Variants in NOX5 observed in about 807,000 individuals in gnomAD.
NOX5 encodes NADPH oxidase, EF-hand calcium binding domain 5.
Under a neutral mutation model 85.7 loss-of-function variants are expected in NOX5, and 76 were observed. The ratio of observed to expected loss-of-function variants is 0.89; its 90% CI spans 0.74 to 1.07. The LOEUF (loss-of-function observed/expected upper bound fraction) is 1.07, where lower values mean the gene tolerates loss of function less well. NOX5 is among the 50% of genes least tolerant of loss of function. NOX5 has a pLI of 0.00. For missense variants in NOX5, 973 were observed against 999.5 expected, an observed-to-expected ratio of 0.97 and a Z score of 0.36; for synonymous variants, 405 against 401.4, an observed-to-expected ratio of 1.01 and a Z score of -0.11.
In NOX5 at chr15:69,061,424, C is replaced by T. The variant is rs1180862941; in HGVS notation, c.*4728C>T. The T allele has an allele frequency of 6.6e-6, 1 of 152,260 alleles. No individual in the cohort carries two copies. Among genetic ancestry groups the T allele is most frequent in the Non-Finnish European group, 1.5e-5 (1 of 68,054 alleles). The allele number at this position is 152,260 out of a possible 1,614,324, so 9.4% of individuals were successfully genotyped here. On this transcript the variant is annotated 3_prime_UTR_variant, in exon 16 of 16. Transcript: ENST00000388866. Reference sequence around the variant, plus strand: ...GGGCATACACGTGAAATTGTGTGCACAGGGGCTAAGCCCAGCACCAGCCCA... The same window carrying T: ...GGGCATACACGTGAAATTGTGTGCATAGGGGCTAAGCCCAGCACCAGCCCA...
chr15:69,020,368 G>A (rs534464096), intron 1 of NOX5, among the ~76,000 whole-genome samples: 1 of 152,142 alleles, frequency 6.6e-6, no homozygotes, highest in East Asian at 1.9e-4. Flanking sequence ...ACTTAAAGAT[G>A]ATACAAATTT....
intron 15 of NOX5, among the ~76,000 whole-genome samples, chr15:69,055,799 C>T (rs184232032): frequency 4.4e-4 from 67 of 152,340 alleles, no homozygotes; most frequent in African/African-American, 1.5e-3. Flanking sequence ...CCTGAGTGGA[C>T]AGGGACCTGG....
chr15:69,033,030 G>A lies in NOX5; in HGVS notation c.621-13G>A, dbSNP rs760521042. The A allele has an allele frequency of 1.3e-5, 20 of 1,548,712 alleles. No homozygotes were observed. The highest frequency in any genetic ancestry group is 2.4e-5 in the South Asian group (2 of 84,654). On this transcript the variant is annotated splice_polypyrimidine_tract_variant and intron_variant, in intron 4 of 15. Coordinates refer to ENST00000388866, the MANE Select transcript of NOX5 (RefSeq NM_024505.4). ...CACCGCTCGCCTCTGAGCGGAACCC[G>A]CCTCTCTCGCAGCGCTGCCCACTGG...
intron 1 of NOX5, 97 bp downstream of exon 1, chr15:69,014,882 T>C (rs1247857753): frequency 1.9e-5 from 18 of 924,400 alleles, no homozygotes; most frequent in African/African-American, 1.3e-4. Flanking sequence ...TGTGTCTGCC[T>C]TGGGCAGAAA....
At chr15:69,017,153 T>G (rs1428317376) in intron 1 of NOX5, among the ~76,000 whole-genome samples, 1 of 151,944 alleles carries the variant, frequency 6.6e-6, no homozygotes, top group Non-Finnish European at 1.5e-5. Context: ...ATTTATTTAT[T>G]TATTTATTTA....
intron 12 of NOX5, 42 bp downstream of exon 12, chr15:69,047,579 C>A: frequency 6.3e-7 from 1 of 1,589,136 alleles, no homozygotes; most frequent in South Asian, 1.1e-5. Context: ...TGGGTCAGAG[C>A]CCCAAGGCGC....
chr15:69,026,661 G>T lies in NOX5; in HGVS notation c.174+10G>T. 1 of 1,613,960 alleles carries T rather than the reference G, an allele frequency of 6.2e-7. No individual in the cohort carries two copies. Among genetic ancestry groups the T allele is most frequent in the African/African-American group, 1.3e-5 (1 of 75,048 alleles). The stretch of plus-strand genomic sequence containing the variant: ...TCTGCATGTGAAAGAGGCAAGTGTT[G>T]GGCCAAGGTGGAAGCCCTGCATTTA... On this transcript the variant is annotated intron_variant, in intron 2 of 15. Coordinates refer to ENST00000388866, the MANE Select transcript of NOX5 (RefSeq NM_024505.4).
At chr15:69,016,639 G>A (rs1345877551) in intron 1 of NOX5, among the ~76,000 whole-genome samples, 1 of 152,010 alleles carries the variant, frequency 6.6e-6, no homozygotes, top group Non-Finnish European at 1.5e-5. Context: ...AGAAGAGAAA[G>A]GTGTACATAC....
intron 14 of NOX5, 29 bp from the exon 15 acceptor site, chr15:69,055,305 C>T (rs1357743161): frequency 1.2e-6 from 2 of 1,609,596 alleles, no homozygotes; most frequent in Admixed American, 1.7e-5. Context: ...ACTAGACCCT[C>T]AGTGCAGCCC....
chr15:69,038,975 C>T lies in NOX5; in HGVS notation c.1490C>T (p.Ala497Val). 1 of 1,614,132 alleles carries T rather than the reference C, an allele frequency of 6.2e-7. No individual in the cohort carries two copies. Among genetic ancestry groups the T allele is most frequent in the Non-Finnish European group, 8.5e-7 (1 of 1,180,024 alleles). Residue 497 changes from alanine to valine, a missense_variant, in exon 9 of 16, where the codon GCT becomes GTT. Ala to Val is a moderately conservative substitution (Grantham distance 64). Coordinates refer to ENST00000388866, the MANE Select transcript of NOX5 (RefSeq NM_024505.4). ...TGGCACCCCTTCACCATCAGCAGTG[C>T]TCCTGAGCAGAAAGGTAATGGCCAC... ...YEWHPFTISS[A>V]PEQKDTIWLH...
At chr15:69,017,901 A>C (rs567668720) in intron 1 of NOX5, among the ~76,000 whole-genome samples, 2 of 152,224 alleles carry the variant, frequency 1.3e-5, no homozygotes, top group East Asian at 3.9e-4. Context: ...ATCACCCAGC[A>C]GGCACGAGGC....
chr15:69,046,502 C>A (rs1166300425), intron 10 of NOX5, among the ~76,000 whole-genome samples: 2 of 152,142 alleles, frequency 1.3e-5, no homozygotes, highest in African/African-American at 4.8e-5. Flanking sequence ...ACCATAGGAG[C>A]CACTGTTAAA....
At chr15:69,014,880 C>A in intron 1 of NOX5, 95 bp downstream of exon 1, 2 of 932,970 alleles carry the variant, frequency 2.1e-6, no homozygotes, top group Non-Finnish European at 1.7e-6. Flanking sequence ...ACTGTGTCTG[C>A]CTTGGGCAGA....
At chr15:69,021,214 C>G (rs1275814146) in intron 1 of NOX5, among the ~76,000 whole-genome samples, 2 of 152,160 alleles carry the variant, frequency 1.3e-5, no homozygotes, top group Non-Finnish European at 2.9e-5. Flanking sequence ...GGGAATCTTA[C>G]TATCTCTTTC....
At chr15:69,035,226 A>G in intron 5 of NOX5, 128 bp from the exon 6 acceptor site, 1 of 961,626 alleles carries the variant, frequency 1.0e-6, no homozygotes, top group Non-Finnish European at 1.5e-6. Flanking sequence ...GCATGGGGGC[A>G]GGGGACTTTG....
At position 69,058,840 on chromosome 15, in the gene NOX5, G is replaced by A. The variant is rs967040079; in HGVS notation, c.*2144G>A. The A allele has an allele frequency of 1.8e-4, 28 of 152,250 alleles. No individual in the cohort carries two copies. The highest frequency in any genetic ancestry group is 6.5e-4 in the African/African-American group (27 of 41,440). 9.4% of individuals were successfully genotyped at this position (152,250 alleles called of 1,614,324 possible). A position where few individuals can be genotyped will look rare whatever the true frequency, so the allele number is the denominator to read the frequency against. On this transcript the variant is annotated 3_prime_UTR_variant, in exon 16 of 16. Coordinates refer to ENST00000388866, the MANE Select transcript of NOX5 (RefSeq NM_024505.4). ...AAGGCTTGGACAAAACGCTCTCTGG[G>A]GCACAGAAGGAAACTAAAGAGGGTG...
rs868655901 is a variant in NOX5 at position 69,059,455 on chromosome 15, G to A, written c.*2759G>A. 2.0e-5 allele frequency: 3 copies of A among 152,212 alleles called. No homozygotes were observed. Among genetic ancestry groups the A allele is most frequent in the Admixed American group, 6.5e-5 (1 of 15,270 alleles). The allele number at this position is 152,212 out of a possible 1,614,324, so 9.4% of individuals were successfully genotyped here. ...TTCATGTTCAAGGTCAGTTTCTCTA[G>A]CTGGCAGCTTCTCACTGCCGCTGCC... On this transcript the variant is annotated 3_prime_UTR_variant, in exon 16 of 16. Coordinates refer to ENST00000388866, the MANE Select transcript of NOX5 (RefSeq NM_024505.4).
rs1422638049 is a variant in NOX5 at position 69,055,360 on chromosome 15, A to G, written c.2026A>G (p.Met676Val). The G allele has an allele frequency of 6.2e-7, 1 of 1,614,202 alleles. No homozygotes were observed. The highest frequency in any genetic ancestry group is 8.5e-7 in the Non-Finnish European group (1 of 1,180,032). ...CCGCTTCCTGGAGCTGCATATGTAC[A>G]TGACATCTGCACTGGGCAAGAATGA... The part of the protein sequence containing the change: ...YGRFLELHMY[M>V]TSALGKNDMK... Residue 676 changes from methionine (M) to valine (V), a missense_variant, in exon 15 of 16, where the codon ATG (methionine) becomes GTG (valine). Transcript: ENST00000388866.
At chr15:69,028,052 A>G (rs541763183) in intron 2 of NOX5, among the ~76,000 whole-genome samples, 163 bp from the exon 3 acceptor site, 11 of 152,230 alleles carry the variant, frequency 7.2e-5, no homozygotes, top group Non-Finnish European at 1.5e-4. Context: ...CTTCCATTAG[A>G]GCAGATCACG....
Sources: allele counts gnomAD v4.1 joint callset (sites outside exome capture counted in the v4.1 genomes callset), GRCh38; gene constraint gnomAD v4.1.1; transcripts MANE v1.5; gene names NCBI Gene and HGNC (gene_info 2026-07-23, HGNC 2026-07-21).